The following PDGFC variants were observed in gnomAD, a reference collection of about 807,000 sequenced individuals.
PDGFC encodes the protein platelet-derived growth factor C.
Under a neutral mutation model 35.5 loss-of-function variants are expected in PDGFC, and 12 were observed. The observed-to-expected ratio is 0.34, with a 90% CI of 0.22 to 0.55. The LOEUF (loss-of-function observed/expected upper bound fraction) is 0.55, where lower values mean the gene tolerates loss of function less well. PDGFC is among the 20% of genes least tolerant of loss of function. The pLI is 0.91. For missense variants in PDGFC, 322 were observed against 412.4 expected, an observed-to-expected ratio of 0.78 and a Z score of 1.90; for synonymous variants, 159 against 148.8, an observed-to-expected ratio of 1.07 and a Z score of -0.50.
chr4:156,778,335 G>A (rs1730881555), intron 3 of PDGFC: 1 of 208,044 alleles, frequency 4.8e-6, no homozygotes, highest in East Asian at 1.6e-4. Context: ...CAGAAAAAAA[G>A]TGAACTTAGT....
In PDGFC at chr4:156,865,968, T is replaced by G. The variant is rs540215356; in HGVS notation, c.119-15552A>C. On this transcript the variant is annotated intron_variant, in intron 1 of 5. Transcript: ENST00000502773. ...TCTACTTTTTTTTAAATTTTATTAT[T>G]ATTATACTTTAAGTTTTAGGGTACA... is the stretch of plus-strand genomic sequence containing the variant. 1.8e-3 allele frequency among the ~76,000 whole-genome samples: 275 copies of G among 152,302 alleles called. 1 individual carries two copies. The highest frequency in any genetic ancestry group is 2.2e-3 in the Non-Finnish European group (149 of 68,020).
chr4:156,779,598 C>T (rs184858494), intron 3 of PDGFC, among the ~76,000 whole-genome samples: 26 of 152,184 alleles, frequency 1.7e-4, no homozygotes, highest in East Asian at 1.9e-4. Flanking sequence ...AGAAAAACCC[C>T]GGAGAGCAGA....
At chr4:156,821,733 A>G (rs566831859) in intron 2 of PDGFC, among the ~76,000 whole-genome samples, 3 of 152,096 alleles carry the variant, frequency 2.0e-5, no homozygotes, top group Non-Finnish European at 4.4e-5. Flanking sequence ...TATTTTTAGT[A>G]GAGACGGGGT....
At chr4:156,848,308 T>C (rs1345646922) in intron 2 of PDGFC, among the ~76,000 whole-genome samples, 1 of 151,874 alleles carries the variant, frequency 6.6e-6, no homozygotes, top group Non-Finnish European at 1.5e-5. Flanking sequence ...TTTTTGTATA[T>C]TGTTGGGAAA....
At chr4:156,866,338 T>C (rs908670873) in intron 1 of PDGFC, among the ~76,000 whole-genome samples, 17 of 152,206 alleles carry the variant, frequency 1.1e-4, no homozygotes, top group Admixed American at 1.1e-3. Flanking sequence ...TGCCACATTT[T>C]TTTTCTTTTT....
intron 5 of PDGFC, among the ~76,000 whole-genome samples, chr4:156,764,555 CTATT>C (rs1331625522): frequency 6.6e-6 from 1 of 152,090 alleles, no homozygotes; most frequent in East Asian, 1.9e-4. Context: ...CTCATACATT[CTATT>C]TATTTAGTAA....
intron 3 of PDGFC, among the ~76,000 whole-genome samples, chr4:156,785,942 T>C (rs1350942483): frequency 1.3e-5 from 2 of 152,206 alleles, no homozygotes; most frequent in Non-Finnish European, 2.9e-5. Flanking sequence ...TGCCCCTCTA[T>C]TCTGTATCGC....
intron 3 of PDGFC, among the ~76,000 whole-genome samples, chr4:156,793,977 T>TA: frequency 2.0e-5 from 3 of 152,134 alleles, no homozygotes; most frequent in Non-Finnish European, 2.9e-5. Flanking sequence ...ACTGAGGAGC[T>TA]ACTAATACCT....
intron 1 of PDGFC, among the ~76,000 whole-genome samples, chr4:156,858,797 A>G (rs538820289): frequency 2.6e-3 from 392 of 152,246 alleles, no homozygotes; most frequent in Non-Finnish European, 4.1e-3. Flanking sequence ...TATATCCTTT[A>G]AACAAACAAC....
intron 3 of PDGFC, among the ~76,000 whole-genome samples, chr4:156,798,156 C>T (rs1357064019): frequency 1.3e-5 from 2 of 152,184 alleles, no homozygotes; most frequent in African/African-American, 4.8e-5. Context: ...TGCAACACTG[C>T]ACTCCAGCTT....
At chr4:156,831,916 A>G (rs1002753446) in intron 2 of PDGFC, among the ~76,000 whole-genome samples, 4 of 152,104 alleles carry the variant, frequency 2.6e-5, no homozygotes, top group Non-Finnish European at 5.9e-5. Flanking sequence ...TTGATTTGCT[A>G]TATACATTTG....
intron 3 of PDGFC, among the ~76,000 whole-genome samples, chr4:156,791,192 G>T (rs1487388959): frequency 6.6e-6 from 1 of 152,054 alleles, no homozygotes; most frequent in Non-Finnish European, 1.5e-5. Context: ...AAGGAAAGAT[G>T]GATCTATCAT....
intron 1 of PDGFC, among the ~76,000 whole-genome samples, chr4:156,935,052 G>A (rs537594049): frequency 2.6e-5 from 4 of 152,306 alleles, no homozygotes; most frequent in East Asian, 1.9e-4. Context: ...ATGGAGTGCA[G>A]TGGCATGATC....
intron 2 of PDGFC, among the ~76,000 whole-genome samples, chr4:156,824,349 CATAT>C (rs376453314): frequency 6.7e-5 from 9 of 134,520 alleles, no homozygotes; most frequent in South Asian, 2.4e-4. Flanking sequence ...CACACACACA[CATAT>C]ACACACATAT....
At chr4:156,877,805 C>T (rs1280425881) in intron 1 of PDGFC, among the ~76,000 whole-genome samples, 1 of 152,160 alleles carries the variant, frequency 6.6e-6, no homozygotes, top group Non-Finnish European at 1.5e-5. Flanking sequence ...CACCCAACCT[C>T]TCCCCGGCAA....
chr4:156,859,587 A>C (rs1729661231), intron 1 of PDGFC, among the ~76,000 whole-genome samples: 1 of 152,106 alleles, frequency 6.6e-6, no homozygotes. Context: ...AGTTTAAACA[A>C]AATATGCTCG....
rs1579062070 is a variant in PDGFC, at chr4:156,862,185, T to C, written c.119-11769A>G. 2.0e-5 allele frequency among the ~76,000 whole-genome samples: 3 copies of C among 152,324 alleles called. No individual in the cohort carries two copies. The East Asian group carries it at 5.8e-4, about 29-fold the overall frequency. On this transcript the variant is annotated intron_variant, in intron 1 of 5. Coordinates refer to ENST00000502773, the MANE Select transcript of PDGFC (RefSeq NM_016205.3). ...AATTTTAAAAGCAAAGGTGCAACCA[T>C]TTTATAGAAATAAAATAAATCCTCT...
chr4:156,856,530 C>T (rs1402920769), intron 1 of PDGFC, among the ~76,000 whole-genome samples: 1 of 152,062 alleles, frequency 6.6e-6, no homozygotes, highest in Non-Finnish European at 1.5e-5. Flanking sequence ...GGTGTACACT[C>T]CCTTTAGGAG....
chr4:156,912,569 G>A (rs972110108), intron 1 of PDGFC, among the ~76,000 whole-genome samples: 1 of 151,954 alleles, frequency 6.6e-6, no homozygotes, highest in Non-Finnish European at 1.5e-5. Context: ...TGTATGTGGA[G>A]GGCAAAGCCA....
Sources: allele counts gnomAD v4.1 joint callset (sites outside exome capture counted in the v4.1 genomes callset), GRCh38; gene constraint gnomAD v4.1.1; transcripts MANE v1.5; gene names NCBI Gene and HGNC (gene_info 2026-07-23, HGNC 2026-07-21).